Variants in SASH1 observed in about 807,000 individuals in gnomAD.
SASH1 encodes SAM and SH3 domain-containing protein 1.
Under a neutral mutation model 125.2 loss-of-function variants are expected in SASH1, and 44 were observed. The observed-to-expected ratio is 0.35, with a 90% CI of 0.28 to 0.45. SASH1 has a LOEUF of 0.45. SASH1 is among the 20% of genes least tolerant of loss of function. The probability of loss-of-function intolerance (pLI) is 1.00; values close to 1 mark genes in which losing one functional copy is unlikely to be tolerated. For missense variants in SASH1, 1,426 were observed against 1,614.5 expected (o/e 0.88, Z 2.00); for synonymous variants, 639 against 649.1 (o/e 0.98, Z 0.24).
At chr6:148,411,166 C>CAAAAAAA (rs56342457) in intron 2 of SASH1, among the ~76,000 whole-genome samples, 578 of 46,182 alleles carry the variant, frequency 0.013, 30 homozygotes, top group Middle Eastern at 0.025. Context: ...ACTCCATCTC[C>CAAAAAAA]AAAAAAAAAA....
the SASH1 span, among the ~76,000 whole-genome samples, chr6:148,194,798 C>A: frequency 6.6e-6 from 1 of 152,090 alleles, no homozygotes. Flanking sequence ...CCCAGCTACT[C>A]GGGAGGCTGA....
chr6:148,393,569 C>A, intron 2 of SASH1: 1 of 381,464 alleles, frequency 2.6e-6, no homozygotes, highest in Non-Finnish European at 3.6e-6. Flanking sequence ...TGGAAGGCAG[C>A]TTCTAGGTAG....
intron 8 of SASH1, among the ~76,000 whole-genome samples, chr6:148,510,995 CA>C (rs5880785): frequency 0.46 from 52,551 of 115,112 alleles, 9,871 homozygotes; most frequent in African/African-American, 0.56. Flanking sequence ...GACTCCATCT[CA>C]AAAAAAAAAA....
intron 16 of SASH1, among the ~76,000 whole-genome samples, chr6:148,539,692 T>G (rs1275818807): frequency 6.6e-6 from 1 of 152,180 alleles, no homozygotes; most frequent in Non-Finnish European, 1.5e-5. Flanking sequence ...TTTCCTAAGC[T>G]TTCCCCAGCT....
chr6:148,270,597 C>G (rs1177397277), upstream of SASH1, among the ~76,000 whole-genome samples: 1 of 151,910 alleles, frequency 6.6e-6, no homozygotes. Flanking sequence ...GCTTTATCAG[C>G]CAGAATTGTA....
chr6:148,323,748 G>A (rs1477075922), intron 1 of SASH1, among the ~76,000 whole-genome samples: 2 of 152,072 alleles, frequency 1.3e-5, no homozygotes, highest in African/African-American at 4.8e-5. Context: ...CCAATTAAAG[G>A]GAGGCACTGC....
At chr6:148,341,805 G>A (rs1235459180), upstream of SASH1, among the ~76,000 whole-genome samples, 2 of 151,962 alleles carry the variant, frequency 1.3e-5, no homozygotes, top group East Asian at 1.9e-4. Context: ...GGCCCTAACA[G>A]AGGAGCAAAC....
chr6:148,398,240 C>T (rs1784035239), intron 2 of SASH1, among the ~76,000 whole-genome samples: 1 of 152,190 alleles, frequency 6.6e-6, no homozygotes, highest in Non-Finnish European at 1.5e-5. Flanking sequence ...TTCCTATTCA[C>T]AGGGCGAAAC....
chr6:148,549,749 A>C lies in SASH1; in HGVS notation c.*1191A>C. The stretch of plus-strand genomic sequence containing the variant: ...TTCACTATGGAACCAGACAAATCTC[A>C]TTAGCCATGTGTTAAGTATTTGCTA... On this transcript the variant is annotated 3_prime_UTR_variant, in exon 20 of 20. Coordinates refer to ENST00000367467, the MANE Select transcript of SASH1 (RefSeq NM_015278.5). The C allele has an allele frequency of 4.7e-4, 184 of 390,616 alleles. No homozygotes were observed. The highest frequency in any genetic ancestry group is 1.3e-3 in the Middle Eastern group (2 of 1,542). 24.2% of individuals were successfully genotyped at this position (390,616 alleles called of 1,614,324 possible).
rs1334343061 is a variant in SASH1, at chr6:148,422,739, A to C, written c.286-17445A>C. Among the ~76,000 whole-genome samples the C allele has an allele frequency of 2.7e-5, 4 of 150,298 alleles. No homozygotes were observed. The Admixed American group carries it at 2.7e-4, about 10-fold the overall frequency. On this transcript the variant is annotated intron_variant, in intron 2 of 19. Transcript: ENST00000367467. ...AAAATCACTATACAAGAACAGAAAC[A>C]TGTCATTTATGTATATTACATTGGA...
At chr6:148,297,186 G>T (rs945035563) in intron 1 of SASH1, among the ~76,000 whole-genome samples, 1 of 152,244 alleles carries the variant, frequency 6.6e-6, no homozygotes, top group African/African-American at 2.4e-5. Context: ...CGCTGTCGCG[G>T]GGAGCAGCCG....
chr6:148,318,648 G>C (rs1780546880), intron 1 of SASH1, among the ~76,000 whole-genome samples: 1 of 130,522 alleles, frequency 7.7e-6, no homozygotes, highest in Admixed American at 8.7e-5. Context: ...CGCCTCCCGG[G>C]TTCAAGCGAT....
chr6:148,381,342 C>T (rs910682185), intron 1 of SASH1, among the ~76,000 whole-genome samples: 28 of 152,200 alleles, frequency 1.8e-4, no homozygotes, highest in African/African-American at 6.5e-4. Context: ...AAGCAGGCTG[C>T]ACTGGGCCTG....
chr6:148,304,571 C>T (rs924059333), intron 1 of SASH1, among the ~76,000 whole-genome samples: 1 of 152,018 alleles, frequency 6.6e-6, no homozygotes, highest in Non-Finnish European at 1.5e-5. Context: ...GACCACGCCA[C>T]TGCACTCCAG....
chr6:148,513,695 T>C lies in SASH1; in HGVS notation c.730-629T>C, dbSNP rs1273662458. ...AAAGGTCAGCTTTTTCCCTTGTCTC[T>C]CTTGGAGGAATGCAGGGTCTGTCCT... On this transcript the variant is annotated intron_variant, in intron 8 of 19. Coordinates refer to ENST00000367467, the MANE Select transcript of SASH1 (RefSeq NM_015278.5). The C allele has an allele frequency of 4.1e-6, 4 of 985,646 alleles. No individual in the cohort carries two copies. The African/African-American group carries it at 5.2e-5, about 13-fold the overall frequency. 61.1% of individuals were successfully genotyped at this position (985,646 alleles called of 1,614,324 possible).
chr6:148,196,654 A>G, the SASH1 span, among the ~76,000 whole-genome samples: 1 of 152,328 alleles, frequency 6.6e-6, no homozygotes, highest in South Asian at 2.1e-4. Context: ...TTCTATGGAG[A>G]ATACAGAGGA....
intron 1 of SASH1, among the ~76,000 whole-genome samples, chr6:148,320,698 G>C (rs1043929932): frequency 6.6e-6 from 1 of 152,112 alleles, no homozygotes; most frequent in African/African-American, 2.4e-5. Context: ...CACTTGTATT[G>C]GTCTGGAACT....
At chr6:148,228,463 G>A in the SASH1 span, among the ~76,000 whole-genome samples, 1 of 152,198 alleles carries the variant, frequency 6.6e-6, no homozygotes, top group African/African-American at 2.4e-5. Context: ...TGTGTGGGAT[G>A]TCTCAAGAGT....
At chr6:148,334,073 C>T (rs991403207) in intron 1 of SASH1, among the ~76,000 whole-genome samples, 6 of 150,620 alleles carry the variant, frequency 4.0e-5, no homozygotes, top group East Asian at 4.1e-4. Context: ...CCGCCTGCCT[C>T]GGCCTCCCAA....
Sources: allele counts gnomAD v4.1 joint callset (sites outside exome capture counted in the v4.1 genomes callset), GRCh38; gene constraint gnomAD v4.1.1; transcripts MANE v1.5; gene names NCBI Gene and HGNC (gene_info 2026-07-23, HGNC 2026-07-21).